DIP2A: variants seen among roughly 807,000 people sequenced by gnomAD.
DIP2A encodes disco-interacting protein 2 homolog A.
DIP2A carries 85 observed loss-of-function variants against 177.4 expected under a neutral mutation model. That is an observed-to-expected ratio of 0.48 (90% CI 0.40 to 0.57). The LOEUF (loss-of-function observed/expected upper bound fraction) is 0.57. DIP2A is among the 20% of genes least tolerant of loss of function. The pLI is 0.00. For synonymous variants in DIP2A, 886 were observed against 881.8 expected (o/e 1.00, Z -0.08); for missense variants, 1,791 against 2,100.2 (o/e 0.85, Z 2.88).
At chr21:46,572,246 C>T (rs1951348281), downstream of DIP2A, among the ~76,000 whole-genome samples, 1 of 152,076 alleles carries the variant, frequency 6.6e-6, no homozygotes, top group Non-Finnish European at 1.5e-5. Flanking sequence ...AACTTAAAAA[C>T]ATTTGAAAGT....
chr21:46,583,828 C>T, the DIP2A span, among the ~76,000 whole-genome samples: 3 of 152,194 alleles, frequency 2.0e-5, no homozygotes, highest in Non-Finnish European at 2.9e-5. Flanking sequence ...TTCGATTTCC[C>T]AGCCTCCAGA....
chr21:46,546,356 C>A, intron 20 of DIP2A: 3 of 1,021,432 alleles, frequency 2.9e-6, no homozygotes, highest in Non-Finnish European at 3.5e-6. Context: ...CCCTTCCCTC[C>A]CAGGGGACTT....
intron 8 of DIP2A, among the ~76,000 whole-genome samples, chr21:46,516,993 T>A (rs2058611176): frequency 6.6e-6 from 1 of 151,984 alleles, no homozygotes; most frequent in South Asian, 2.1e-4. Context: ...AAGTCTTTGT[T>A]AGCTAACACC....
intron 2 of DIP2A, among the ~76,000 whole-genome samples, chr21:46,490,236 A>G (rs2056932838): frequency 2.0e-5 from 3 of 152,184 alleles, no homozygotes; most frequent in African/African-American, 7.2e-5. Context: ...AGCACGGACC[A>G]TTTCAGACTT....
chr21:46,546,381 A>G (rs2060039914), intron 20 of DIP2A: 1 of 957,060 alleles, frequency 1.0e-6, no homozygotes, highest in Non-Finnish European at 1.3e-6. Context: ...CAACTTTTGA[A>G]GACATTTTTG....
chr21:46,561,655 CAG>C, intron 33 of DIP2A, 91 bp from the exon 34 acceptor site: 2 of 1,481,738 alleles, frequency 1.3e-6, no homozygotes, highest in Non-Finnish European at 1.9e-6. Context: ...AACAGACCCT[CAG>C]AGTGATCATT....
At chr21:46,502,302 A>G (rs1483635195) in intron 5 of DIP2A, among the ~76,000 whole-genome samples, 1 of 149,430 alleles carries the variant, frequency 6.7e-6, no homozygotes, top group Non-Finnish European at 1.5e-5. Context: ...TGCCCAGCTA[A>G]TTTTTTTTTT....
At chr21:46,523,756 A>C (rs571093213) in intron 8 of DIP2A, among the ~76,000 whole-genome samples, 1 of 152,344 alleles carries the variant, frequency 6.6e-6, no homozygotes, top group East Asian at 1.9e-4. Context: ...TTTAGAGCTA[A>C]CTATGATATG....
downstream of DIP2A, among the ~76,000 whole-genome samples, chr21:46,570,508 T>C (rs2060949728): frequency 6.6e-6 from 1 of 152,254 alleles, no homozygotes; most frequent in Admixed American, 6.5e-5. Flanking sequence ...TTAAGAATTA[T>C]AACCTCCATA....
intron 37 of DIP2A, 117 bp from the exon 38 acceptor site, chr21:46,567,253 A>G: frequency 6.9e-7 from 1 of 1,440,076 alleles, no homozygotes; most frequent in South Asian, 1.4e-5. Context: ...ATGGCCTTAA[A>G]TAGCTGTGTG....
intron 11 of DIP2A, 105 bp downstream of exon 11, chr21:46,533,752 A>C: frequency 6.6e-7 from 1 of 1,512,826 alleles, no homozygotes; most frequent in African/African-American, 1.4e-5. Context: ...GGTCTTCAGC[A>C]AAAGTGATCC....
intron 5 of DIP2A, among the ~76,000 whole-genome samples, chr21:46,499,542 A>G (rs1472296133): frequency 6.6e-6 from 1 of 152,238 alleles, no homozygotes; most frequent in Non-Finnish European, 1.5e-5. Flanking sequence ...CAGGTTAGAC[A>G]GCCTTTGGCC....
intron 27 of DIP2A, 36 bp from the exon 28 acceptor site, chr21:46,554,786 G>GGGGGGGGGGCCC: frequency 6.6e-7 from 1 of 1,519,096 alleles, no homozygotes; most frequent in Non-Finnish European, 8.8e-7. Context: ...AGCTTGAGAG[G>GGGGGGGGGGCCC]CCCCGCCCAC....
intron 6 of DIP2A, 124 bp downstream of exon 6, chr21:46,504,613 A>G: frequency 1.7e-6 from 2 of 1,187,128 alleles, no homozygotes; most frequent in Non-Finnish European, 1.1e-6. Flanking sequence ...TAATCCATGC[A>G]GATAAATAGA....
In DIP2A at chr21:46,529,128, C is replaced by T; in HGVS notation, c.1139C>T (p.Thr380Ile). 9 of 1,531,684 alleles carry T rather than the reference C, an allele frequency of 5.9e-6. No homozygotes were observed. Among genetic ancestry groups the T allele is most frequent in the Non-Finnish European group, 7.9e-6 (9 of 1,138,828 alleles). 94.9% of individuals were successfully genotyped at this position (1,531,684 alleles called of 1,614,324 possible). Residue 380 changes from threonine to isoleucine, a missense_variant, in exon 9 of 38, where the codon ACT becomes ATT. Physicochemically the swap from Thr to Ile is moderately conservative, Grantham distance 89. Transcript: ENST00000417564. ...LWSRSLKLAY[T>I]LLNKLTSKNE... Reference sequence around the variant, plus strand: ...AGTCGGAGTTTAAAACTAGCTTATACTCTACTTAATAAACTGACAAGTAAG... The same window carrying T: ...AGTCGGAGTTTAAAACTAGCTTATATTCTACTTAATAAACTGACAAGTAAG...
intron 12 of DIP2A, 90 bp downstream of exon 12, chr21:46,534,203 T>G: frequency 9.2e-7 from 1 of 1,083,374 alleles, no homozygotes. Context: ...GCTATTCTTT[T>G]TTGTTAAGTT....
rs1186817069 is a variant in DIP2A at position 46,558,232 on chromosome 21, G to T, written c.3808G>T (p.Val1270Leu). 4 of 1,611,880 alleles carry T rather than the reference G, an allele frequency of 2.5e-6. No individual in the cohort carries two copies. The highest frequency in any genetic ancestry group is 2.2e-5 in the East Asian group (1 of 44,872). The change falls in exon 32 of 38, where the codon GTG becomes TTG. Residue 1270 changes from valine to leucine, a missense_variant. Physicochemically the swap from Val to Leu is conservative, Grantham distance 32 (BLOSUM62 1). Coordinates refer to ENST00000417564, the MANE Select transcript of DIP2A (RefSeq NM_015151.4). ...AQTGVLRMKG[V>L]NLSCVRTCMV... is the part of the protein sequence containing the mutation. ...CTCACCCCTCCCGCAGATGAAGGGGGTGAACCTGTCATGTGTGCGCACGTG... is the reference window on the plus strand; with the variant it reads ...CTCACCCCTCCCGCAGATGAAGGGGTTGAACCTGTCATGTGTGCGCACGTG...
intron 31 of DIP2A, 54 bp from the exon 32 acceptor site, chr21:46,558,169 C>T: frequency 1.9e-6 from 3 of 1,544,400 alleles, no homozygotes; most frequent in Non-Finnish European, 2.6e-6. Context: ...GTGCCCAGGG[C>T]CCTGGCAACT....
At position 46,557,031 on chromosome 21, in the gene DIP2A, C is replaced by T; in HGVS notation, c.3591C>T (p.Pro1197=). Residue 1197 remains proline, a synonymous_variant, in exon 30 of 38, where the codon CCC becomes CCT. Coordinates refer to ENST00000417564, the MANE Select transcript of DIP2A (RefSeq NM_015151.4). The surrounding 1 kb of genome is among the most constrained non-coding windows in gnomAD (Gnocchi z 6.0). ...GGCAGATCGCCATCTGCCTCGACCC[C>T]TACTGTGGCCTTGGTTTTGCCCTGT... ...PSRQIAICLD[P]YCGLGFALWC... is the part of the protein sequence containing the mutation. 5.0e-6 allele frequency: 8 copies of T among 1,605,486 alleles called. No individual in the cohort carries two copies. Among genetic ancestry groups the T allele is most frequent in the Non-Finnish European group, 6.8e-6 (8 of 1,176,238 alleles).
Sources: allele counts gnomAD v4.1 joint callset (sites outside exome capture counted in the v4.1 genomes callset), GRCh38; gene constraint gnomAD v4.1.1; non-coding constraint Gnocchi (gnomAD v3.1); transcripts MANE v1.5; gene names NCBI Gene and HGNC (gene_info 2026-07-23, HGNC 2026-07-21).